ZMYM1: variants seen among roughly 807,000 people sequenced by gnomAD.
ZMYM1 encodes zinc finger MYM-type containing 1.
Under a neutral mutation model 60.0 loss-of-function variants are expected in ZMYM1, and 39 were observed. That is an observed-to-expected ratio of 0.65 (90% CI 0.50 to 0.85). ZMYM1 has a LOEUF of 0.85. ZMYM1 is among the 40% of genes least tolerant of loss of function. The pLI, the probability that ZMYM1 is intolerant of heterozygous loss-of-function variation, is 0.00. For missense variants in ZMYM1, 1,171 were observed against 1,309.5 expected, an observed-to-expected ratio of 0.89 and a Z score of 1.63; for synonymous variants, 413 against 454.0, an observed-to-expected ratio of 0.91 and a Z score of 1.15.
intron 1 of ZMYM1, among the ~76,000 whole-genome samples, chr1:35,086,657 T>C (rs1370323968): frequency 1.3e-5 from 2 of 152,132 alleles, no homozygotes; most frequent in Non-Finnish European, 2.9e-5. Context: ...TGAAATCTCA[T>C]GCAATTTTTT....
chr1:35,088,860 G>A (rs772879796), intron 1 of ZMYM1, among the ~76,000 whole-genome samples: 31 of 132,896 alleles, frequency 2.3e-4, no homozygotes, highest in Non-Finnish European at 4.0e-4. Context: ...TGCCTGAGCT[G>A]GAGTGCAATG....
chr1:35,076,997 T>C (rs187805768), upstream of ZMYM1, among the ~76,000 whole-genome samples: 2 of 151,576 alleles, frequency 1.3e-5, no homozygotes, highest in Admixed American at 1.3e-4. Context: ...CTCCCAGAGC[T>C]CTCCTCCTAT....
chr1:35,112,872 T>A, intron 9 of ZMYM1, 105 bp from the exon 10 acceptor site: 2 of 1,068,140 alleles, frequency 1.9e-6, no homozygotes, highest in Non-Finnish European at 2.5e-6. Flanking sequence ...GAGCTCATAC[T>A]GTAACTCAGC....
At chr1:35,073,332 A>G (rs1557626460) in intron 1 of ZMYM1, among the ~76,000 whole-genome samples, 1 of 91,702 alleles carries the variant, frequency 1.1e-5, no homozygotes, top group Non-Finnish European at 2.0e-5. Flanking sequence ...AAAGGGAGAA[A>G]GAAAGAAAGG....
At chr1:35,082,789 G>A (rs1443269577) in intron 1 of ZMYM1, among the ~76,000 whole-genome samples, 2 of 150,458 alleles carry the variant, frequency 1.3e-5, no homozygotes, top group Non-Finnish European at 3.0e-5. Context: ...AGACCAGCCT[G>A]GCCAACATGG....
intron 1 of ZMYM1, among the ~76,000 whole-genome samples, chr1:35,087,495 C>G (rs944603431): frequency 1.3e-5 from 2 of 151,478 alleles, no homozygotes; most frequent in Non-Finnish European, 2.9e-5. Flanking sequence ...GGCGCAGTCT[C>G]AGTTCACTGC....
At chr1:35,095,938 C>A in intron 3 of ZMYM1, 47 bp downstream of exon 3, 1 of 1,344,324 alleles carries the variant, frequency 7.4e-7, no homozygotes, top group Non-Finnish European at 1.1e-6. Context: ...ACCAATACGA[C>A]AGCTGATTCA....
chr1:35,113,991 A>T lies in ZMYM1; in HGVS notation c.2161A>T (p.Asn721Tyr). Residue 721 changes from asparagine to tyrosine, a missense_variant, in exon 10 of 10, where the codon AAT becomes TAT. Coordinates refer to ENST00000359858, the MANE Select transcript of ZMYM1 (RefSeq NM_024772.5). ...TGGCCAGGCCTATGATAGCACCACTAATTTGAAGATAAAATTTAATAAAAT... is the reference window on the plus strand; with the variant it reads ...TGGCCAGGCCTATGATAGCACCACTTATTTGAAGATAAAATTTAATAAAAT... ...IHGQAYDSTT[N>Y]LKIKFNKIAA... is the part of the protein sequence containing the mutation. The T allele has an allele frequency of 6.2e-7, 1 of 1,607,764 alleles. No homozygotes were observed. The highest frequency in any genetic ancestry group is 8.5e-7 in the Non-Finnish European group (1 of 1,178,556).
At chr1:35,078,545 T>TTC (rs1392933445), upstream of ZMYM1, among the ~76,000 whole-genome samples, 4 of 107,496 alleles carry the variant, frequency 3.7e-5, no homozygotes, top group Admixed American at 3.3e-4. Flanking sequence ...TAATTTTTTT[T>TTC]TTTTTTTTTT....
At chr1:35,091,459 C>T (rs1224330088) in intron 1 of ZMYM1, among the ~76,000 whole-genome samples, 1 of 152,192 alleles carries the variant, frequency 6.6e-6, no homozygotes, top group Middle Eastern at 3.4e-3. Context: ...ATGATCCACC[C>T]GCCTCAGCCT....
intron 1 of ZMYM1, among the ~76,000 whole-genome samples, chr1:35,062,288 C>G (rs1641890697): frequency 6.6e-6 from 1 of 152,216 alleles, no homozygotes; most frequent in East Asian, 1.9e-4. Flanking sequence ...TTCCTCTTTT[C>G]TTTCTACTTA....
At chr1:35,106,574 A>C (rs1643893703) in intron 6 of ZMYM1, among the ~76,000 whole-genome samples, 1 of 140,596 alleles carries the variant, frequency 7.1e-6, no homozygotes, top group Non-Finnish European at 1.5e-5. Context: ...GCACCATTGC[A>C]CTCCAGCCTA....
In ZMYM1 at chr1:35,085,009, C is replaced by A. The variant is rs1642580041; in HGVS notation, c.-75+5567C>A. ...AAAGGATTTAGTATGCTAAAGGCTA[C>A]TCTGTTATGCCTGGATTTATCCGTT... On this transcript the variant is annotated intron_variant, in intron 1 of 9. Coordinates refer to ENST00000359858, the MANE Select transcript of ZMYM1 (RefSeq NM_024772.5). 2.0e-5 allele frequency among the ~76,000 whole-genome samples: 3 copies of A among 151,962 alleles called. No individual in the cohort carries two copies. In the South Asian group the frequency reaches 6.2e-4, roughly 32 times the overall value.
At chr1:35,080,134 G>C (rs1642299021) in intron 1 of ZMYM1, among the ~76,000 whole-genome samples, 1 of 151,698 alleles carries the variant, frequency 6.6e-6, no homozygotes, top group Admixed American at 6.6e-5. Flanking sequence ...AACCCCAAAA[G>C]CACAGTTTGA....
At chr1:35,071,057 T>A (rs117773581) in intron 1 of ZMYM1, among the ~76,000 whole-genome samples, 5,369 of 151,954 alleles carry the variant, frequency 0.035, 256 homozygotes, top group Admixed American at 0.12. Flanking sequence ...GCAATTTTTT[T>A]AATATTTTTA....
At chr1:35,109,554 T>C (rs1322838188) in intron 6 of ZMYM1, among the ~76,000 whole-genome samples, 1 of 152,208 alleles carries the variant, frequency 6.6e-6, no homozygotes, top group East Asian at 1.9e-4. Context: ...AGAAAAACAG[T>C]GATTCCCACA....
At chr1:35,065,101 C>G (rs1015399012) in intron 1 of ZMYM1, among the ~76,000 whole-genome samples, 5 of 151,970 alleles carry the variant, frequency 3.3e-5, no homozygotes, top group Admixed American at 2.0e-4. Flanking sequence ...ACAACTAAAG[C>G]AGTACAATTG....
chr1:35,089,033 T>C (rs1280301150), intron 1 of ZMYM1, among the ~76,000 whole-genome samples: 2 of 151,884 alleles, frequency 1.3e-5, no homozygotes, highest in African/African-American at 2.4e-5. Flanking sequence ...AGGCTGGTCT[T>C]GAACTCCCGA....
chr1:35,074,213 TGTG>T (rs1424002928), intron 1 of ZMYM1, among the ~76,000 whole-genome samples: 1 of 152,204 alleles, frequency 6.6e-6, no homozygotes, highest in Non-Finnish European at 1.5e-5. Flanking sequence ...TTTTATACCA[TGTG>T]GTCCAAAAAG....
Sources: gnomAD v4.1 joint callset for allele counts (sites outside exome capture counted in the v4.1 genomes callset) on GRCh38, gnomAD v4.1.1 for gene constraint, MANE v1.5 for transcripts, NCBI Gene and HGNC (gene_info 2026-07-23, HGNC 2026-07-21) for gene names.